GPM6B: variants seen among roughly 807,000 people sequenced by gnomAD.
The protein encoded by GPM6B is glycoprotein M6B.
Under a neutral mutation model 27.2 loss-of-function variants are expected in GPM6B, and 4 were observed. The ratio of observed to expected loss-of-function variants is 0.15; its 90% confidence interval spans 0.07 to 0.34. GPM6B has a LOEUF of 0.34. GPM6B is among the 10% of genes least tolerant of loss of function. GPM6B has a pLI of 1.00. For missense variants in GPM6B, 183 were observed against 261.9 expected, an observed-to-expected ratio of 0.70 and a Z score of 2.08; for synonymous variants, 124 against 103.1, an observed-to-expected ratio of 1.20 and a Z score of -1.23.
intron 1 of GPM6B, among the ~76,000 whole-genome samples, chrX:13,855,330 T>C (rs1027643103): frequency 6.2e-5 from 7 of 112,537 alleles, no homozygotes; most frequent in African/African-American, 2.3e-4. Context: ...CCCTGACTTT[T>C]AAGGCCATGT....
intron 1 of GPM6B, among the ~76,000 whole-genome samples, chrX:13,814,319 C>G (rs191925795): frequency 8.9e-6 from 1 of 111,854 alleles, no homozygotes; most frequent in South Asian, 3.7e-4. Context: ...CACTCCATCA[C>G]CAACCACTGA....
At chrX:13,928,851 C>T (rs1004166750) in intron 1 of GPM6B, among the ~76,000 whole-genome samples, 3 of 111,926 alleles carry the variant, frequency 2.7e-5, no homozygotes, top group African/African-American at 9.7e-5. Context: ...CAAGTATGGT[C>T]AGATGTCTCA....
At chrX:13,902,848 C>A (rs1438971751) in intron 1 of GPM6B, among the ~76,000 whole-genome samples, 1 of 111,911 alleles carries the variant, frequency 8.9e-6, no homozygotes, top group Admixed American at 9.5e-5. Flanking sequence ...GCCCACCTGA[C>A]CCAGTCTCAT....
intron 1 of GPM6B, among the ~76,000 whole-genome samples, chrX:13,934,627 C>T (rs1921738678): frequency 8.9e-6 from 1 of 112,093 alleles, no homozygotes. Context: ...ACAGGTGACA[C>T]TTCTGATGCT....
intron 1 of GPM6B, among the ~76,000 whole-genome samples, chrX:13,815,853 G>A (rs896954924): frequency 8.9e-5 from 10 of 111,911 alleles, no homozygotes; most frequent in African/African-American, 3.2e-4. Flanking sequence ...TTTTGTCCCC[G>A]TACTGGCGAA....
intron 2 of GPM6B, among the ~76,000 whole-genome samples, chrX:13,798,737 C>G (rs1206953036): frequency 1.8e-5 from 2 of 112,673 alleles, no homozygotes; most frequent in Non-Finnish European, 3.7e-5. Flanking sequence ...AACCAATTTC[C>G]TGACTCAAAG....
At chrX:13,860,603 A>G (rs1383375704) in intron 1 of GPM6B, among the ~76,000 whole-genome samples, 1 of 111,104 alleles carries the variant, frequency 9.0e-6, no homozygotes, top group Non-Finnish European at 1.9e-5. Context: ...CCTGAATATG[A>G]GACCATTAAC....
intron 5 of GPM6B, among the ~76,000 whole-genome samples, chrX:13,778,734 T>TA: frequency 8.9e-6 from 1 of 111,972 alleles, no homozygotes; most frequent in East Asian, 2.8e-4. Flanking sequence ...GCAAAACACT[T>TA]ACTTTTAAGG....
intron 1 of GPM6B, among the ~76,000 whole-genome samples, chrX:13,896,100 A>G (rs1396535205): frequency 2.0e-5 from 2 of 97,657 alleles, no homozygotes; most frequent in African/African-American, 7.4e-5. Context: ...GGCTGCAGTG[A>G]GCTATGATCA....
chrX:13,925,440 C>T (rs775618222), intron 1 of GPM6B, among the ~76,000 whole-genome samples: 21 of 109,091 alleles, frequency 1.9e-4, no homozygotes, highest in Non-Finnish European at 3.8e-4. Context: ...AATCCTCCCA[C>T]CTCTGTTTCC....
rs1161961712 is a variant in GPM6B, at chrX:13,807,637, AG to A, written c.181+12del. 1.7e-6 allele frequency: 2 copies of A among 1,150,279 alleles called. No individual in the cohort carries two copies. Among genetic ancestry groups the A allele is most frequent in the Admixed American group, 4.9e-5 (2 of 41,229 alleles). The allele number at this position is 1,150,279 out of a possible 1,213,427, so 94.8% of individuals were successfully genotyped here. ...TGACTTGCTATTAGAATTCACCCCAAGGCTGTATTTACCTGGACTGCTCAAG... is the reference window on the plus strand; with the variant it reads ...TGACTTGCTATTAGAATTCACCCCAAGCTGTATTTACCTGGACTGCTCAAG... On this transcript the variant is annotated intron_variant, in intron 2 of 7. Coordinates refer to ENST00000316715, the MANE Select transcript of GPM6B (RefSeq NM_001001995.3).
chrX:13,861,940 C>G (rs2049857528), intron 1 of GPM6B, among the ~76,000 whole-genome samples: 1 of 111,503 alleles, frequency 9.0e-6, no homozygotes, highest in Non-Finnish European at 1.9e-5. Context: ...CTTCAGGAAC[C>G]CACGATCCAG....
At chrX:13,809,891 C>T (rs1489696536) in intron 1 of GPM6B, among the ~76,000 whole-genome samples, 3 of 94,383 alleles carry the variant, frequency 3.2e-5, no homozygotes, top group Non-Finnish European at 4.1e-5. Context: ...GAGTTGAGAT[C>T]GCGCCACTGC....
At chrX:13,864,771 G>A (rs2049890599) in intron 1 of GPM6B, among the ~76,000 whole-genome samples, 1 of 111,638 alleles carries the variant, frequency 9.0e-6, no homozygotes, top group Admixed American at 9.5e-5. Flanking sequence ...TTTCAGGGGA[G>A]AAAGTCAGAA....
intron 1 of GPM6B, among the ~76,000 whole-genome samples, chrX:13,868,934 G>A (rs1181227836): frequency 8.9e-6 from 1 of 111,759 alleles, no homozygotes; most frequent in East Asian, 2.8e-4. Flanking sequence ...ATGCTGTTTG[G>A]GATGCTTGGA....
intron 1 of GPM6B, among the ~76,000 whole-genome samples, chrX:13,891,505 G>A (rs913452838): frequency 4.5e-5 from 5 of 112,343 alleles, no homozygotes; most frequent in African/African-American, 1.6e-4. Context: ...CTTCCTCTCA[G>A]CCCAGGAGGC....
chrX:13,905,811 C>T (rs1268653977), intron 1 of GPM6B, among the ~76,000 whole-genome samples: 2 of 111,035 alleles, frequency 1.8e-5, no homozygotes, highest in East Asian at 5.6e-4. Context: ...CTTAAAAACC[C>T]CTATTTGATC....
At chrX:13,864,463 C>T (rs2049886761) in intron 1 of GPM6B, among the ~76,000 whole-genome samples, 1 of 112,548 alleles carries the variant, frequency 8.9e-6, no homozygotes, top group Non-Finnish European at 1.9e-5. Flanking sequence ...GTGGTGGAGC[C>T]GAGGGGCTGG....
chrX:13,931,481 CCT>C (rs1369468964), intron 1 of GPM6B, among the ~76,000 whole-genome samples: 2 of 107,553 alleles, frequency 1.9e-5, no homozygotes, highest in African/African-American at 6.8e-5. Flanking sequence ...GAGTGAGACT[CCT>C]TCTCAAAAAA....
Sources: allele counts gnomAD v4.1 joint callset (sites outside exome capture counted in the v4.1 genomes callset), GRCh38; gene constraint gnomAD v4.1.1; transcripts MANE v1.5; gene names NCBI Gene and HGNC (gene_info 2026-07-23, HGNC 2026-07-21).